CTNNA2: variants seen among roughly 807,000 people sequenced by gnomAD.
CTNNA2 encodes the protein catenin alpha 2.
Under a neutral mutation model 101.0 loss-of-function variants are expected in CTNNA2, and 42 were observed. The observed-to-expected ratio is 0.42, with a 90% CI of 0.32 to 0.54. The LOEUF (loss-of-function observed/expected upper bound fraction) is 0.54. CTNNA2 is among the 20% of genes least tolerant of loss of function. CTNNA2 has a pLI of 0.14. For missense variants in CTNNA2, 871 were observed against 1,223.1 expected, an observed-to-expected ratio of 0.71 and a Z score of 4.29; for synonymous variants, 450 against 456.4, an observed-to-expected ratio of 0.99 and a Z score of 0.18.
At chr2:79,459,567 G>A (rs1670857199) in intron 4 of CTNNA2, among the ~76,000 whole-genome samples, 1 of 152,034 alleles carries the variant, frequency 6.6e-6, no homozygotes, top group South Asian at 2.1e-4. Context: ...GAACATTTTA[G>A]GAATGAGACA....
intron 2 of CTNNA2, among the ~76,000 whole-genome samples, chr2:79,272,694 T>C (rs1250747669): frequency 6.6e-6 from 1 of 152,108 alleles, no homozygotes; most frequent in Non-Finnish European, 1.5e-5. Flanking sequence ...TTAAACAAAG[T>C]GTTTAAACAG....
At chr2:79,611,538 C>T (rs1453055924) in intron 1 of CTNNA2, among the ~76,000 whole-genome samples, 1 of 152,136 alleles carries the variant, frequency 6.6e-6, no homozygotes, top group African/African-American at 2.4e-5. Flanking sequence ...AAAAGTGCTT[C>T]TACAGTGAAC....
intron 2 of CTNNA2, among the ~76,000 whole-genome samples, chr2:79,223,756 C>A (rs1398067014): frequency 6.6e-6 from 1 of 152,160 alleles, no homozygotes; most frequent in Non-Finnish European, 1.5e-5. Flanking sequence ...TGCTTCTCAA[C>A]CAAAATCCCT....
chr2:79,488,030 A>C (rs922754943), intron 4 of CTNNA2, among the ~76,000 whole-genome samples: 1 of 152,090 alleles, frequency 6.6e-6, no homozygotes, highest in African/African-American at 2.4e-5. Flanking sequence ...AAAGTGAAAA[A>C]TCTGGGATGT....
At chr2:80,217,633 A>G (rs1708347174) in intron 7 of CTNNA2, among the ~76,000 whole-genome samples, 1 of 152,166 alleles carries the variant, frequency 6.6e-6, no homozygotes, top group African/African-American at 2.4e-5. Context: ...ACTATATTAG[A>G]TATTGCTGAG....
intron 2 of CTNNA2, among the ~76,000 whole-genome samples, chr2:79,300,923 T>G (rs1676093714): frequency 6.6e-6 from 1 of 152,154 alleles, no homozygotes. Flanking sequence ...CCAGGTGTAT[T>G]TTTGGTTCCT....
At chr2:79,581,330 A>G (rs991548019) in intron 1 of CTNNA2, among the ~76,000 whole-genome samples, 11 of 152,200 alleles carry the variant, frequency 7.2e-5, no homozygotes, top group Middle Eastern at 3.2e-3. Flanking sequence ...GTTAGAGACC[A>G]GCCTGGCCAA....
At chr2:79,868,460 G>C (rs776338403) in intron 4 of CTNNA2, among the ~76,000 whole-genome samples, 5 of 152,166 alleles carry the variant, frequency 3.3e-5, no homozygotes, top group Non-Finnish European at 7.4e-5. Context: ...ATTATTACTG[G>C]TTTAGATACG....
intron 7 of CTNNA2, among the ~76,000 whole-genome samples, chr2:80,157,629 A>G (rs954183100): frequency 6.6e-6 from 1 of 151,936 alleles, no homozygotes; most frequent in Non-Finnish European, 1.5e-5. Context: ...TGCTGTGTAC[A>G]CTGTCAGAAT....
chr2:79,890,882 T>C (rs1159491625), intron 6 of CTNNA2, among the ~76,000 whole-genome samples: 2 of 141,682 alleles, frequency 1.4e-5, no homozygotes, highest in African/African-American at 2.6e-5. Context: ...TGATGCCTTC[T>C]TACTGTGTCA....
At chr2:79,326,258 A>T (rs1676743891) in intron 3 of CTNNA2, among the ~76,000 whole-genome samples, 1 of 151,974 alleles carries the variant, frequency 6.6e-6, no homozygotes. Flanking sequence ...GCGCTAAGGG[A>T]ACATCATATT....
intron 10 of CTNNA2, among the ~76,000 whole-genome samples, chr2:80,545,667 T>C (rs1691995183): frequency 6.6e-6 from 1 of 152,230 alleles, no homozygotes; most frequent in Non-Finnish European, 1.5e-5. Flanking sequence ...ATGAGACTTG[T>C]CCAGTAAATA....
chr2:79,761,333 G>C (rs75088254), intron 3 of CTNNA2, among the ~76,000 whole-genome samples: 301 of 152,136 alleles, frequency 2.0e-3, no homozygotes, highest in African/African-American at 6.9e-3. Flanking sequence ...ACAACCCAAG[G>C]GTAGTTTAAG....
intron 7 of CTNNA2, among the ~76,000 whole-genome samples, chr2:80,293,904 T>C (rs1262408956): frequency 1.3e-5 from 2 of 152,074 alleles, no homozygotes; most frequent in East Asian, 1.9e-4. Flanking sequence ...AGGCTTGGGA[T>C]TGGGGTGGAG....
At chr2:80,000,778 T>TGCTGC (rs1163965446) in intron 7 of CTNNA2, among the ~76,000 whole-genome samples, 1 of 152,222 alleles carries the variant, frequency 6.6e-6, no homozygotes, top group Non-Finnish European at 1.5e-5. Flanking sequence ...TGCTGTGCTG[T>TGCTGC]GCTGCATTCC....
At chr2:79,780,628 TCTC>T (rs1176413620) in intron 3 of CTNNA2, among the ~76,000 whole-genome samples, 1 of 152,152 alleles carries the variant, frequency 6.6e-6, no homozygotes, top group Non-Finnish European at 1.5e-5. Context: ...GAATGCCCGA[TCTC>T]CTCTAATCCC....
intron 4 of CTNNA2, among the ~76,000 whole-genome samples, chr2:79,480,712 T>A (rs1019714285): frequency 6.6e-6 from 1 of 152,384 alleles, no homozygotes; most frequent in African/African-American, 2.4e-5. Context: ...TCAGCAATAA[T>A]GTTTTATGCT....
Position 80,610,285 on chromosome 2 carries a change from G to GA in CTNNA2, c.2430+1975dup, listed in dbSNP as rs1050561046. Reference sequence around the variant, plus strand: ...TGCTCCTTCACTGATGGCCAATGGAGAAAAAAAATGAATATGCTTACTGTG... The same window carrying GA: ...TGCTCCTTCACTGATGGCCAATGGAGAAAAAAAAATGAATATGCTTACTGTG... On this transcript the variant is annotated intron_variant, in intron 17 of 18. Transcript: ENST00000402739. Among the ~76,000 whole-genome samples the GA allele has an allele frequency of 1.6e-3, 249 of 151,298 alleles. 1 individual carries two copies. Among genetic ancestry groups the GA allele is most frequent in the Non-Finnish European group, 1.4e-3 (93 of 67,626 alleles).
At chr2:80,560,927 T>A (rs564602146) in intron 12 of CTNNA2, among the ~76,000 whole-genome samples, 1 of 152,142 alleles carries the variant, frequency 6.6e-6, no homozygotes, top group Non-Finnish European at 1.5e-5. Flanking sequence ...ATACCAAAAA[T>A]GAGAACTTTA....
Sources: allele counts gnomAD v4.1 joint callset (sites outside exome capture counted in the v4.1 genomes callset), GRCh38; gene constraint gnomAD v4.1.1; transcripts MANE v1.5; gene names NCBI Gene and HGNC (gene_info 2026-07-23, HGNC 2026-07-21).